The following WDR91 variants were observed in gnomAD, a reference collection of about 807,000 sequenced individuals.
WDR91 encodes WD repeat domain 91.
In WDR91, 52 loss-of-function variants were observed where a neutral mutation model predicts 88.4. That is an observed-to-expected ratio of 0.59 (90% CI 0.47 to 0.74). The LOEUF is 0.74. WDR91 is among the 30% of genes least tolerant of loss of function. The pLI is 0.00. For missense variants in WDR91, 824 were observed against 954.5 expected, an observed-to-expected ratio of 0.86 and a Z score of 1.80; for synonymous variants, 362 against 389.5, an observed-to-expected ratio of 0.93 and a Z score of 0.83.
intron 11 of WDR91, among the ~76,000 whole-genome samples, chr7:135,190,663 G>A (rs1181300743): frequency 7.2e-6 from 1 of 138,622 alleles, no homozygotes; most frequent in African/African-American, 2.5e-5. Flanking sequence ...CTATAAACAC[G>A]ACAAAGCAGG....
At chr7:135,194,125 AAG>A (rs1195489492) in intron 9 of WDR91, among the ~76,000 whole-genome samples, 1 of 152,124 alleles carries the variant, frequency 6.6e-6, no homozygotes, top group East Asian at 1.9e-4. Flanking sequence ...TGGGTCTGTA[AAG>A]ACCTCCAGAA....
chr7:135,189,288 A>G, intron 12 of WDR91, 56 bp downstream of exon 12: 1 of 1,550,784 alleles, frequency 6.4e-7, no homozygotes, highest in Middle Eastern at 2.2e-4. Flanking sequence ...GTCGGCAAAA[A>G]AAATTGCCTG....
chr7:135,193,482 A>T (rs1831248465), intron 10 of WDR91, 83 bp from the exon 11 acceptor site: 2 of 1,611,096 alleles, frequency 1.2e-6, no homozygotes, highest in Non-Finnish European at 1.7e-6. Flanking sequence ...TGGATCCTGC[A>T]CAGGAGATGG....
rs144719472 is a variant in WDR91, at chr7:135,204,956, T to C, written c.726-523A>G. ...TAAATTACGTATTTGGCTCGCATTT[T>C]ATTTCCATCAGAAAGAACTGGCACC... On this transcript the variant is annotated intron_variant, in intron 5 of 14. Coordinates refer to ENST00000354475, the MANE Select transcript of WDR91 (RefSeq NM_014149.4). Among the ~76,000 whole-genome samples the C allele has an allele frequency of 7.9e-3, 1,199 of 152,344 alleles. 19 individuals carry two copies. The highest frequency in any genetic ancestry group is 0.027 in the African/African-American group (1,128 of 41,576).
chr7:135,205,904 G>A (rs1831754095), intron 5 of WDR91, 24 bp downstream of exon 5: 1 of 1,612,396 alleles, frequency 6.2e-7, no homozygotes, highest in East Asian at 2.2e-5. Flanking sequence ...CAAAGAAAAG[G>A]AAAGGGCCGT....
intron 11 of WDR91, 44 bp from the exon 12 acceptor site, chr7:135,189,496 G>T (rs1490907511): frequency 3.3e-6 from 5 of 1,523,354 alleles, no homozygotes; most frequent in Non-Finnish European, 4.5e-6. Context: ...TCTTCACTCA[G>T]CCCAGGCACG....
intron 3 of WDR91, 163 bp from the exon 4 acceptor site, chr7:135,207,365 G>T (rs1831835808): frequency 1.6e-6 from 1 of 639,618 alleles, no homozygotes; most frequent in Middle Eastern, 2.7e-4. Flanking sequence ...GCTCCCTACA[G>T]TCTTGTCTCT....
At chr7:135,186,870 CT>C in intron 14 of WDR91, 101 bp downstream of exon 14, 2 of 1,379,512 alleles carry the variant, frequency 1.4e-6, no homozygotes. Context: ...AGCCATGCAG[CT>C]CGGGGTAGAG....
Position 135,196,998 on chromosome 7 carries a change from T to C in WDR91, c.1051-661A>G, listed in dbSNP as rs1390661612. 6.6e-6 allele frequency: 1 copy of C among 152,262 alleles called. No individual in the cohort carries two copies. Among genetic ancestry groups the C allele is most frequent in the African/African-American group, 2.4e-5 (1 of 41,412 alleles). The allele number at this position is 152,262 out of a possible 1,614,324, so 9.4% of individuals were successfully genotyped here. ...ACTGGGGGTCCAAGGCTGCCCCATCTCTACGTCCCTGGGACAGCAGGTGTT... is the reference window on the plus strand; with the variant it reads ...ACTGGGGGTCCAAGGCTGCCCCATCCCTACGTCCCTGGGACAGCAGGTGTT... On this transcript the variant is annotated intron_variant, in intron 7 of 14. Coordinates refer to ENST00000354475, the MANE Select transcript of WDR91 (RefSeq NM_014149.4). The surrounding 1 kb of genome is among the most constrained non-coding windows in gnomAD (Gnocchi z 4.2).
chr7:135,186,261 C>T lies in WDR91; in HGVS notation c.2134G>A (p.Ala712Thr), dbSNP rs1830935001. Residue 712 changes from alanine (A) to threonine (T), a missense_variant, in exon 15 of 15, where the codon GCC (alanine) becomes ACC (threonine). Coordinates refer to ENST00000354475, the MANE Select transcript of WDR91 (RefSeq NM_014149.4). ...ESCLSLGGHR[A>T]PVVTVDWSTA... The stretch of plus-strand genomic sequence containing the variant: ...CTCCAGTCCACGGTGACCACAGGGG[C>T]TCGGTGGCCACCTAGGCTCAAGCAG... The T allele has an allele frequency of 1.2e-6, 2 of 1,612,622 alleles. No individual in the cohort carries two copies. The highest frequency in any genetic ancestry group is 1.7e-6 in the Non-Finnish European group (2 of 1,179,430).
Position 135,211,479 on chromosome 7 carries a change from A to T in WDR91, c.24T>A (p.Thr8=), listed in dbSNP as rs1227782673. The T allele has an allele frequency of 6.2e-7, 1 of 1,611,742 alleles. No homozygotes were observed. The highest frequency in any genetic ancestry group is 1.1e-5 in the South Asian group (1 of 90,930). Residue 8 remains threonine, a synonymous_variant, in exon 1 of 15, where the codon ACT becomes ACA. Transcript: ENST00000354475. ...GCAGGTACTCCCGGACCAGCTCGTC[A>T]GTGCGCTCCACGGCCTCCGCCATCG... The part of the protein sequence containing the change: MAEAVER[T]DELVREYLLF...
In WDR91 at chr7:135,188,324, T is replaced by C. The variant is rs997277320; in HGVS notation, c.1881+109A>G. 4 of 817,796 alleles carry C rather than the reference T, an allele frequency of 4.9e-6. No homozygotes were observed. The African/African-American group carries it at 6.7e-5, about 14-fold the overall frequency. 50.7% of individuals were successfully genotyped at this position (817,796 alleles called of 1,614,324 possible). A position where few individuals can be genotyped will look rare whatever the true frequency, so the allele number is the denominator to read the frequency against. On this transcript the variant is annotated intron_variant, in intron 13 of 14. Coordinates refer to ENST00000354475, the MANE Select transcript of WDR91 (RefSeq NM_014149.4). ...ATCCCTATTCTACAGATAACAAAGC[T>C]GCAAAAAGAGGCCCCAGGTTGCAGA...
chr7:135,195,055 C>G lies in WDR91; in HGVS notation c.1274G>C (p.Ser425Thr), dbSNP rs1275791576. The G allele has an allele frequency of 1.2e-6, 2 of 1,613,828 alleles. No individual in the cohort carries two copies. The highest frequency in any genetic ancestry group is 4.5e-5 in the East Asian group (2 of 44,870). The change falls in exon 9 of 15, where the codon AGC (serine) becomes ACC (threonine). Residue 425 changes from serine to threonine, a missense_variant. Ser to Thr is a moderately conservative substitution (Grantham distance 58). Transcript: ENST00000354475. ...TTTGATGACCCCATCTACGTCTAAG[C>G]TGGCGACTCTCCTCCCAGAGCAGTC... The part of the protein sequence containing the change: ...RVDCSGRRVA[S>T]LDVDGVIKVW...
chr7:135,209,348 T>C (rs1831928736), intron 2 of WDR91, among the ~76,000 whole-genome samples: 1 of 152,080 alleles, frequency 6.6e-6, no homozygotes, highest in African/African-American at 2.4e-5. Context: ...TAAGCTTACA[T>C]GCTTAACATA....
Position 135,208,790 on chromosome 7 carries a change from T to C in WDR91, c.511+1A>G. On this transcript the variant is annotated splice_donor_variant, in intron 3 of 14. Transcript: ENST00000354475. LOFTEE classifies it high-confidence loss of function. ...TCAGCCCCAGGCAACTGAAAGGATATGCATGCACTGAAACAGGACGCTCAG... is the reference window on the plus strand; with the variant it reads ...TCAGCCCCAGGCAACTGAAAGGATACGCATGCACTGAAACAGGACGCTCAG... The C allele has an allele frequency of 6.2e-7, 1 of 1,600,754 alleles. No individual in the cohort carries two copies. Among genetic ancestry groups the C allele is most frequent in the Non-Finnish European group, 8.5e-7 (1 of 1,172,274 alleles).
intron 3 of WDR91, among the ~76,000 whole-genome samples, chr7:135,208,476 G>A (rs1458347108): frequency 1.3e-5 from 2 of 152,126 alleles, no homozygotes; most frequent in African/African-American, 2.4e-5. Flanking sequence ...AAGGCTGCCC[G>A]GTTTCTCCAA....
chr7:135,198,381 G>A (rs1022387098), intron 6 of WDR91: 23 of 506,412 alleles, frequency 4.5e-5, no homozygotes, highest in African/African-American at 2.7e-4. Context: ...CTCATCCTGC[G>A]GTATCTCTCA....
intron 11 of WDR91, 49 bp from the exon 12 acceptor site, chr7:135,189,501 G>A (rs1377146835): frequency 2.2e-5 from 33 of 1,510,802 alleles, no homozygotes; most frequent in Admixed American, 1.5e-4. Flanking sequence ...ACTCAGCCCA[G>A]GCACGCTGCT....
Position 135,209,678 on chromosome 7 carries a change from G to A in WDR91, c.201C>T (p.Tyr67=). 5 of 1,613,716 alleles carry A rather than the reference G, an allele frequency of 3.1e-6. No homozygotes were observed. Among genetic ancestry groups the A allele is most frequent in the Non-Finnish European group, 4.2e-6 (5 of 1,179,818 alleles). Residue 67 remains tyrosine (Y), a synonymous_variant, in exon 2 of 15, where the codon TAC becomes TAT. Transcript: ENST00000354475. ...DLAALRDYWS[Y]LERRLFSRLE... ...AGCGGCTGAAGAGCCGACGCTCCAAGTAGCTCCAATAATCCCGAAGGGCAG... is the reference window on the plus strand; with the variant it reads ...AGCGGCTGAAGAGCCGACGCTCCAAATAGCTCCAATAATCCCGAAGGGCAG...
Sources: gnomAD v4.1 joint callset for allele counts (sites outside exome capture counted in the v4.1 genomes callset) on GRCh38, gnomAD v4.1.1 for gene constraint, Gnocchi (gnomAD v3.1) non-coding constraint, MANE v1.5 for transcripts, NCBI Gene and HGNC (gene_info 2026-07-23, HGNC 2026-07-21) for gene names.